The following PDZD8 variants were observed in gnomAD, a reference collection of about 807,000 sequenced individuals.
PDZD8 encodes PDZ domain-containing protein 8.
In PDZD8, 14 loss-of-function variants were observed where a neutral mutation model predicts 85.8. That is an observed-to-expected ratio of 0.16 (90% CI 0.11 to 0.26). The LOEUF is 0.26. PDZD8 is among the 10% of genes least tolerant of loss of function. PDZD8 has a pLI of 1.00. For missense variants in PDZD8, 1,197 were observed against 1,424.3 expected, an observed-to-expected ratio of 0.84 and a Z score of 2.57; for synonymous variants, 592 against 568.6, an observed-to-expected ratio of 1.04 and a Z score of -0.59.
intron 1 of PDZD8, among the ~76,000 whole-genome samples, chr10:117,341,569 G>A (rs1022676406): frequency 1.6e-4 from 25 of 152,244 alleles, no homozygotes; most frequent in African/African-American, 6.0e-4. Context: ...AAATGGCCCA[G>A]TATCTGCATT....
At chr10:117,328,365 C>T (rs1844353050) in intron 2 of PDZD8, among the ~76,000 whole-genome samples, 1 of 151,896 alleles carries the variant, frequency 6.6e-6, no homozygotes, top group South Asian at 2.1e-4. Flanking sequence ...TACAATATTC[C>T]CCCCTCCCCT....
At chr10:117,295,512 A>G (rs1843740678) in intron 3 of PDZD8, among the ~76,000 whole-genome samples, 1 of 151,750 alleles carries the variant, frequency 6.6e-6, no homozygotes, top group Admixed American at 6.6e-5. Flanking sequence ...CACACAAAAA[A>G]CTCCCTCCCA....
rs1376395266 is a variant in PDZD8 at position 117,279,456 on chromosome 10, T to C, written c.*3812A>G. 2 of 152,244 alleles carry C rather than the reference T, an allele frequency of 1.3e-5. No individual in the cohort carries two copies. The highest frequency in any genetic ancestry group is 2.9e-5 in the Non-Finnish European group (2 of 68,042). The allele number at this position is 152,244 out of a possible 1,614,324, so 9.4% of individuals were successfully genotyped here. On this transcript the variant is annotated 3_prime_UTR_variant, in exon 5 of 5. Transcript: ENST00000334464. ...TTTTGTGCCTGTTTGTATTCCTTTA[T>C]AAACCAAATGTTGTTGGAATAAAAT...
At chr10:117,359,482 G>A (rs753567810) in intron 1 of PDZD8, among the ~76,000 whole-genome samples, 5 of 150,102 alleles carry the variant, frequency 3.3e-5, no homozygotes, top group South Asian at 2.1e-4. Flanking sequence ...AGGCCGAGGC[G>A]GGCGATCACT....
At chr10:117,285,785 A>G (rs1844651948) in intron 4 of PDZD8, 29 of 1,021,524 alleles carry the variant, frequency 2.8e-5, no homozygotes, top group Non-Finnish European at 3.2e-5. Flanking sequence ...GTTAGATGAC[A>G]TCTCTCAGTT....
At chr10:117,327,306 A>G (rs982595044) in intron 2 of PDZD8, among the ~76,000 whole-genome samples, 1 of 152,218 alleles carries the variant, frequency 6.6e-6, no homozygotes, top group African/African-American at 2.4e-5. Flanking sequence ...ATTGTTAAAC[A>G]AAAATTATGG....
intron 3 of PDZD8, among the ~76,000 whole-genome samples, chr10:117,298,155 A>G (rs925956139): frequency 6.6e-6 from 1 of 152,176 alleles, no homozygotes; most frequent in Non-Finnish European, 1.5e-5. Flanking sequence ...GAAACCAGAT[A>G]TAAGAAGCAA....
chr10:117,312,147 ACAAG>A (rs1421185500), intron 3 of PDZD8, among the ~76,000 whole-genome samples: 1 of 152,108 alleles, frequency 6.6e-6, no homozygotes, highest in Non-Finnish European at 1.5e-5. Context: ...AAGGTCTAAC[ACAAG>A]CAGAGATCGG....
intron 3 of PDZD8, among the ~76,000 whole-genome samples, chr10:117,305,475 C>G (rs11197949): frequency 3.2e-5 from 1 of 31,148 alleles, no homozygotes; most frequent in African/African-American, 9.7e-5. Flanking sequence ...CACACATACA[C>G]ACACACACAC....
chr10:117,357,296 G>A (rs1369398456), intron 1 of PDZD8, among the ~76,000 whole-genome samples: 2 of 152,146 alleles, frequency 1.3e-5, no homozygotes, highest in Non-Finnish European at 2.9e-5. Context: ...TTGGGAGGCT[G>A]AAGCACGAGA....
At position 117,278,292 on chromosome 10, in the gene PDZD8, T is replaced by A. The variant is rs1003640393; in HGVS notation, c.*4976A>T. 52 of 152,232 alleles carry A rather than the reference T, an allele frequency of 3.4e-4. No individual in the cohort carries two copies. The highest frequency in any genetic ancestry group is 1.2e-3 in the African/African-American group (49 of 41,462). 9.4% of individuals were successfully genotyped at this position (152,232 alleles called of 1,614,324 possible). A position where few individuals can be genotyped will look rare whatever the true frequency, so the allele number is the denominator to read the frequency against. ...TTTAGACTCCTGAAAGTTGTTCACA[T>A]CAATGTGAAGACAAATTTTAAATGA... On this transcript the variant is annotated 3_prime_UTR_variant, in exon 5 of 5. Transcript: ENST00000334464.
chr10:117,327,603 T>C (rs1285750841), intron 2 of PDZD8, among the ~76,000 whole-genome samples: 2 of 152,180 alleles, frequency 1.3e-5, no homozygotes, highest in African/African-American at 2.4e-5. Flanking sequence ...CATTGCCCAG[T>C]GGGAGTTTTC....
intron 2 of PDZD8, among the ~76,000 whole-genome samples, chr10:117,319,717 C>T (rs967557969): frequency 2.6e-5 from 4 of 151,996 alleles, no homozygotes; most frequent in Admixed American, 6.6e-5. Flanking sequence ...GGTCCAGTCA[C>T]GAGATTATAT....
Position 117,358,232 on chromosome 10 carries a change from G to C in PDZD8, c.872+16124C>G, listed in dbSNP as rs183210088. 1.2e-3 allele frequency among the ~76,000 whole-genome samples: 178 copies of C among 152,152 alleles called. 1 individual carries two copies. The highest frequency in any genetic ancestry group is 3.1e-3 in the African/African-American group (128 of 41,540). On this transcript the variant is annotated intron_variant, in intron 1 of 4. Transcript: ENST00000334464. ...ATTTGAGTAACTCGTTTAACCTTTT[G>C]AATCTGTATTTATTCATTTATAAGT...
At chr10:117,317,739 C>T (rs899362081) in intron 3 of PDZD8, among the ~76,000 whole-genome samples, 2 of 152,138 alleles carry the variant, frequency 1.3e-5, no homozygotes, top group Non-Finnish European at 2.9e-5. Flanking sequence ...TGAGGAATTG[C>T]TTCAAATTGT....
chr10:117,279,017 T>C lies in PDZD8; in HGVS notation c.*4251A>G, dbSNP rs363237. On this transcript the variant is annotated 3_prime_UTR_variant, in exon 5 of 5. Coordinates refer to ENST00000334464, the MANE Select transcript of PDZD8 (RefSeq NM_173791.5). ...CCTGCCCCCAATACCATATACTTTATTGCAATTTTATTTTTGCCTTTACGG... is the reference window on the plus strand; with the variant it reads ...CCTGCCCCCAATACCATATACTTTACTGCAATTTTATTTTTGCCTTTACGG... 69,207 of 152,136 alleles carry C rather than the reference T, an allele frequency of 0.45. 16,477 individuals carry two copies. Among genetic ancestry groups the C allele is most frequent in the East Asian group, 0.54 (2,786 of 5,180 alleles). The allele number at this position is 152,136 out of a possible 1,614,324, so 9.4% of individuals were successfully genotyped here. A position where few individuals can be genotyped will look rare whatever the true frequency, so the allele number is the denominator to read the frequency against.
chr10:117,294,286 G>A (rs1248692336), intron 3 of PDZD8, among the ~76,000 whole-genome samples: 2 of 142,852 alleles, frequency 1.4e-5, no homozygotes, highest in Non-Finnish European at 3.0e-5. Context: ...AAACAAGAGA[G>A]AAGACACATA....
intron 1 of PDZD8, among the ~76,000 whole-genome samples, chr10:117,364,468 C>CAG (rs1845053676): frequency 7.0e-6 from 1 of 143,316 alleles, no homozygotes; most frequent in Non-Finnish European, 1.5e-5. Context: ...CGCACACAGA[C>CAG]AGACACACAC....
At chr10:117,360,047 C>T (rs989490864) in intron 1 of PDZD8, among the ~76,000 whole-genome samples, 2 of 152,142 alleles carry the variant, frequency 1.3e-5, no homozygotes, top group African/African-American at 4.8e-5. Flanking sequence ...AAAATGCTCA[C>T]TTTTATCCAA....
Sources: allele counts gnomAD v4.1 joint callset (sites outside exome capture counted in the v4.1 genomes callset), GRCh38; gene constraint gnomAD v4.1.1; transcripts MANE v1.5; gene names NCBI Gene and HGNC (gene_info 2026-07-23, HGNC 2026-07-21).